Variants in TENM2 observed in about 807,000 individuals in gnomAD.
TENM2 encodes the protein teneurin transmembrane protein 2, also known as teneurin-2.
TENM2 carries 52 observed loss-of-function variants against 245.2 expected under a neutral mutation model. The observed-to-expected ratio is 0.21, with a 90% CI of 0.17 to 0.27. TENM2 has a LOEUF of 0.27. Among genes scored for constraint, TENM2 ranks in the 10% least tolerant of loss-of-function variants. TENM2 has a pLI of 1.00. For missense variants in TENM2, 3,046 were observed against 3,666.8 expected (o/e 0.83, Z 4.37); for synonymous variants, 1,363 against 1,438.9 (o/e 0.95, Z 1.19).
chr5:167,959,506 T>C (rs1484790771), intron 4 of TENM2, among the ~76,000 whole-genome samples: 3 of 152,224 alleles, frequency 2.0e-5, no homozygotes, highest in African/African-American at 4.8e-5. Context: ...TTGATACTTG[T>C]GTATGCTTCA....
At chr5:167,955,215 C>T (rs922640493) in intron 4 of TENM2, among the ~76,000 whole-genome samples, 1 of 152,170 alleles carries the variant, frequency 6.6e-6, no homozygotes, top group Non-Finnish European at 1.5e-5. Context: ...CTCTAATGAT[C>T]AGTGATAATG....
At chr5:167,462,778 G>T (rs890302019) in intron 2 of TENM2, among the ~76,000 whole-genome samples, 1 of 151,926 alleles carries the variant, frequency 6.6e-6, no homozygotes, top group African/African-American at 2.4e-5. Flanking sequence ...ACTGTGGCGC[G>T]TAGAGGGCCA....
chr5:167,936,457 G>C (rs1404209958), intron 3 of TENM2, among the ~76,000 whole-genome samples: 1 of 152,134 alleles, frequency 6.6e-6, no homozygotes, highest in Non-Finnish European at 1.5e-5. Flanking sequence ...TTATTTTTAA[G>C]GACATGACAA....
chr5:167,627,494 TA>T (rs2127783630), intron 2 of TENM2, among the ~76,000 whole-genome samples: 1 of 152,192 alleles, frequency 6.6e-6, no homozygotes, highest in African/African-American at 2.4e-5. Context: ...TACACCCCAG[TA>T]AGTCTTTATA....
At chr5:167,360,246 G>T (rs1246331443) in intron 1 of TENM2, among the ~76,000 whole-genome samples, 3 of 152,140 alleles carry the variant, frequency 2.0e-5, no homozygotes, top group African/African-American at 7.2e-5. Flanking sequence ...CCTAAAAAAG[G>T]TGTCAGATAC....
chr5:168,247,982 A>G lies in TENM2; in HGVS notation c.7043A>G (p.Tyr2348Cys). 6.2e-7 allele frequency: 1 copy of G among 1,613,932 alleles called. No homozygotes were observed. Among genetic ancestry groups the G allele is most frequent in the Non-Finnish European group, 8.5e-7 (1 of 1,179,890 alleles). The change falls in exon 27 of 29, where the codon TAC becomes TGC. Residue 2348 changes from tyrosine to cysteine, a missense_variant. Tyr to Cys is a radical substitution (Grantham distance 194). Coordinates refer to ENST00000518659, the Ensembl canonical transcript of TENM2. This position sits in a 1 kb window ranked among gnomAD's most constrained non-coding sequence, Gnocchi z 7.8. ...AACTCGGAGATTACCTCACTGTACT[A>G]CGACCTCCAGGGCCACCTCTTTGCC... is the stretch of plus-strand genomic sequence containing the variant.
the TENM2 span, among the ~76,000 whole-genome samples, chr5:167,009,112 A>T: frequency 2.6e-5 from 4 of 152,066 alleles, no homozygotes; most frequent in Admixed American, 6.6e-5. Context: ...TACACCCTTC[A>T]ACAGAGACGT....
chr5:168,165,648 A>ACCCCCC (rs34203413), intron 13 of TENM2, among the ~76,000 whole-genome samples: 14 of 30,950 alleles, frequency 4.5e-4, no homozygotes, highest in Admixed American at 5.9e-4. Context: ...CCCCCCCCCA[A>ACCCCCC]CCCCCCCCCC....
chr5:167,780,128 A>C (rs1205508012), intron 2 of TENM2, among the ~76,000 whole-genome samples: 1 of 152,144 alleles, frequency 6.6e-6, no homozygotes, highest in Non-Finnish European at 1.5e-5. Context: ...ACACAGCACA[A>C]ATGTTTTTCA....
At chr5:167,627,145 A>C (rs1455813861) in intron 2 of TENM2, among the ~76,000 whole-genome samples, 1 of 152,198 alleles carries the variant, frequency 6.6e-6, no homozygotes, top group East Asian at 1.9e-4. Context: ...GTTAAAACCC[A>C]TCCATTTTCC....
intron 1 of TENM2, among the ~76,000 whole-genome samples, chr5:167,331,198 T>C (rs1417460817): frequency 1.5e-5 from 2 of 129,450 alleles, no homozygotes; most frequent in African/African-American, 6.0e-5. Flanking sequence ...ATCATGCTAC[T>C]GCACTCCAGC....
intron 2 of TENM2, among the ~76,000 whole-genome samples, chr5:167,476,470 A>G (rs1252032246): frequency 6.6e-6 from 1 of 152,234 alleles, no homozygotes; most frequent in Non-Finnish European, 1.5e-5. Flanking sequence ...CTTATCAGAA[A>G]GGTCTTGAAG....
intron 14 of TENM2, 134 bp downstream of exon 16, chr5:168,190,681 G>C: frequency 1.4e-6 from 1 of 695,358 alleles, no homozygotes; most frequent in Admixed American, 2.8e-5. Context: ...TCCCTCCAAG[G>C]GGGACTCAGA....
At chr5:167,057,549 C>T in the TENM2 span, among the ~76,000 whole-genome samples, 1 of 152,110 alleles carries the variant, frequency 6.6e-6, no homozygotes, top group African/African-American at 2.4e-5. Flanking sequence ...TTCATCAGTG[C>T]TTCTCAGTTT....
intron 2 of TENM2, among the ~76,000 whole-genome samples, chr5:167,840,979 G>T (rs1219479185): frequency 2.0e-5 from 3 of 152,028 alleles, no homozygotes; most frequent in African/African-American, 7.3e-5. Context: ...CACCCAATTT[G>T]TCGGAGCAAC....
intron 7 of TENM2, among the ~76,000 whole-genome samples, chr5:168,069,690 A>T (rs528380189): frequency 6.6e-6 from 1 of 152,318 alleles, no homozygotes; most frequent in Non-Finnish European, 1.5e-5. Context: ...CAAAGCTGGG[A>T]TGTGCATCTA....
chr5:167,947,282 G>A (rs916386013), intron 3 of TENM2, among the ~76,000 whole-genome samples: 1 of 152,146 alleles, frequency 6.6e-6, no homozygotes, highest in African/African-American at 2.4e-5. Context: ...ATATCAAATA[G>A]TAATAATCAT....
chr5:166,989,504 C>T, the TENM2 span, among the ~76,000 whole-genome samples: 1 of 151,902 alleles, frequency 6.6e-6, no homozygotes, highest in South Asian at 2.1e-4. Context: ...ATTTGGCCTC[C>T]CAAAGTGCTG....
At chr5:167,887,213 G>A (rs1774356822) in intron 3 of TENM2, among the ~76,000 whole-genome samples, 1 of 152,176 alleles carries the variant, frequency 6.6e-6, no homozygotes, top group African/African-American at 2.4e-5. Flanking sequence ...ATTCTGATTT[G>A]TAATATTCTC....
Sources: allele counts gnomAD v4.1 joint callset (sites outside exome capture counted in the v4.1 genomes callset), GRCh38; gene constraint gnomAD v4.1.1; non-coding constraint Gnocchi (gnomAD v3.1); transcripts MANE v1.5; gene names NCBI Gene and HGNC (gene_info 2026-07-23, HGNC 2026-07-21).